Variants in CDC42BPA observed in about 807,000 individuals in gnomAD.
The protein encoded by CDC42BPA is serine/threonine-protein kinase MRCK alpha.
Under a neutral mutation model 223.5 loss-of-function variants are expected in CDC42BPA, and 80 were observed. The ratio of observed to expected loss-of-function variants is 0.36; its 90% CI spans 0.30 to 0.43. The LOEUF is 0.43. CDC42BPA is among the 20% of genes least tolerant of loss of function. The probability of loss-of-function intolerance (pLI) is 1.00; values close to 1 mark genes in which losing one functional copy is unlikely to be tolerated. For missense variants in CDC42BPA, 1,743 were observed against 2,099.9 expected, an observed-to-expected ratio of 0.83 and a Z score of 3.32; for synonymous variants, 694 against 718.6, an observed-to-expected ratio of 0.97 and a Z score of 0.55.
At chr1:227,193,346 A>C (rs1301034378) in intron 5 of CDC42BPA, among the ~76,000 whole-genome samples, 4 of 152,118 alleles carry the variant, frequency 2.6e-5, no homozygotes, top group East Asian at 1.9e-4. Context: ...AAGCGTGAGC[A>C]ACCGTGACCG....
intron 1 of CDC42BPA, among the ~76,000 whole-genome samples, chr1:227,291,534 G>A (rs1303287639): frequency 6.6e-6 from 1 of 151,956 alleles, no homozygotes; most frequent in Non-Finnish European, 1.5e-5. Flanking sequence ...GGGTGACAGA[G>A]TGAGACTCTG....
At chr1:227,133,772 C>T (rs367689850) in intron 10 of CDC42BPA, among the ~76,000 whole-genome samples, 9 of 151,508 alleles carry the variant, frequency 5.9e-5, no homozygotes, top group African/African-American at 1.9e-4. Context: ...GCAGCATGCT[C>T]GTTGAGAGTC....
intron 28 of CDC42BPA, among the ~76,000 whole-genome samples, 174 bp from the exon 29 acceptor site, chr1:227,030,644 G>C (rs1305911382): frequency 6.6e-6 from 1 of 152,022 alleles, no homozygotes; most frequent in Non-Finnish European, 1.5e-5. Context: ...TTCTAAAATA[G>C]AACAATTATT....
At chr1:227,095,913 A>G (rs648877) in intron 15 of CDC42BPA, among the ~76,000 whole-genome samples, 96,110 of 152,014 alleles carry the variant, frequency 0.63, 30,528 homozygotes, top group East Asian at 0.72. Flanking sequence ...TTTGAAGACT[A>G]TATTGTTATG....
intron 23 of CDC42BPA, among the ~76,000 whole-genome samples, chr1:227,041,254 G>A (rs11803919): frequency 0.11 from 16,976 of 152,070 alleles, 1,344 homozygotes; most frequent in African/African-American, 0.22. Context: ...ATATTACCCA[G>A]GTACTGAGCA....
chr1:227,016,787 C>A, intron 33 of CDC42BPA, 140 bp downstream of exon 33: 1 of 732,874 alleles, frequency 1.4e-6, no homozygotes, highest in Non-Finnish European at 2.2e-6. Flanking sequence ...AAGTTACATT[C>A]ATTATTGCAG....
intron 5 of CDC42BPA, among the ~76,000 whole-genome samples, chr1:227,186,816 C>T (rs1668849065): frequency 6.6e-6 from 1 of 152,178 alleles, no homozygotes; most frequent in South Asian, 2.1e-4. Flanking sequence ...TCACTGGCCC[C>T]TCAAACCCAG....
intron 14 of CDC42BPA, among the ~76,000 whole-genome samples, chr1:227,109,350 T>G (rs895032978): frequency 1.3e-5 from 2 of 151,982 alleles, no homozygotes; most frequent in Admixed American, 6.6e-5. Context: ...TACAAACACA[T>G]TGTACAGATG....
intron 14 of CDC42BPA, among the ~76,000 whole-genome samples, chr1:227,107,139 A>G (rs887055877): frequency 3.9e-5 from 6 of 152,252 alleles, no homozygotes; most frequent in Admixed American, 2.6e-4. Context: ...AACTTTAGGT[A>G]GTAGTACTGC....
chr1:227,062,441 T>G (rs1676105243), intron 21 of CDC42BPA, among the ~76,000 whole-genome samples: 2 of 152,238 alleles, frequency 1.3e-5, no homozygotes, highest in Admixed American at 1.3e-4. Context: ...TTATCTTTTA[T>G]TACTATATTT....
At chr1:227,120,052 C>G in intron 11 of CDC42BPA, 115 bp from the exon 12 acceptor site, 1 of 712,640 alleles carries the variant, frequency 1.4e-6, no homozygotes, top group Non-Finnish European at 2.2e-6. Flanking sequence ...AGTGTTAGAT[C>G]TGACAGTGTA....
intron 2 of CDC42BPA, among the ~76,000 whole-genome samples, chr1:227,216,145 C>T (rs1674802607): frequency 6.6e-6 from 1 of 152,088 alleles, no homozygotes; most frequent in Admixed American, 6.6e-5. Context: ...CACACACACA[C>T]ACATAAAATA....
intron 2 of CDC42BPA, among the ~76,000 whole-genome samples, chr1:227,214,828 A>AGTG (rs1674547583): frequency 1.3e-5 from 2 of 152,284 alleles, no homozygotes; most frequent in Admixed American, 1.3e-4. Flanking sequence ...TAATAACAGT[A>AGTG]GTGGTAGTAG....
rs769733993 is a variant in CDC42BPA at position 227,072,200 on chromosome 1, T to A, written c.2827+8A>T. ...AGTCCTGAGTGAGGCAAACACACAC[T>A]CCCATACCCTTTTCAGATCTAAGCT... On this transcript the variant is annotated splice_region_variant and intron_variant, in intron 20 of 36. Coordinates refer to ENST00000366766, the MANE Select transcript of CDC42BPA (RefSeq NM_001394014.1). 1.3e-6 allele frequency: 2 copies of A among 1,532,948 alleles called. No individual in the cohort carries two copies. Among genetic ancestry groups the A allele is most frequent in the African/African-American group, 2.8e-5 (2 of 72,628 alleles). The allele number at this position is 1,532,948 out of a possible 1,614,324, so 95.0% of individuals were successfully genotyped here.
intron 15 of CDC42BPA, 29 bp downstream of exon 15, chr1:227,100,963 T>C (rs769013479): frequency 1.6e-5 from 21 of 1,315,194 alleles, no homozygotes; most frequent in Non-Finnish European, 1.1e-6. Context: ...AGTAAGTATT[T>C]ACTGTATAGT....
At chr1:227,048,605 C>CAT (rs904601923) in intron 22 of CDC42BPA, among the ~76,000 whole-genome samples, 4 of 150,876 alleles carry the variant, frequency 2.7e-5, no homozygotes, top group Non-Finnish European at 5.9e-5. Flanking sequence ...AGTCACATAC[C>CAT]ATATCTTTCT....
At chr1:227,000,093 TATAATAATA>T (rs10605581) in intron 35 of CDC42BPA, among the ~76,000 whole-genome samples, 1,700 of 130,618 alleles carry the variant, frequency 0.013, 12 homozygotes, top group South Asian at 0.051. Flanking sequence ...GAACTTAAAG[TATAATAATA>T]ATAATAATAA....
intron 6 of CDC42BPA, among the ~76,000 whole-genome samples, chr1:227,158,863 A>G (rs1663317686): frequency 6.6e-6 from 1 of 152,034 alleles, no homozygotes; most frequent in Non-Finnish European, 1.5e-5. Flanking sequence ...TCTCTGCACA[A>G]TTCCCTCCTC....
Position 227,017,003 on chromosome 1 carries a change from GT to G in CDC42BPA, c.4662del (p.Lys1554AsnfsTer35). The part of the protein sequence containing the change: ...VVPETSDNSR[K>X]QMVRNINNKR... ...TTATTGTTAATGTTTCTAACCATTT[GT>G]TTCCGACTATTATCTGATGTTTCAG... On this transcript the variant is annotated frameshift_variant, in exon 33 of 37. Coordinates refer to ENST00000366766, the MANE Select transcript of CDC42BPA (RefSeq NM_001394014.1). LOFTEE classifies it high-confidence loss of function. 1 of 1,613,202 alleles carries G rather than the reference GT, an allele frequency of 6.2e-7. No homozygotes were observed. Among genetic ancestry groups the G allele is most frequent in the Non-Finnish European group, 8.5e-7 (1 of 1,179,506 alleles).
Sources: allele counts gnomAD v4.1 joint callset (sites outside exome capture counted in the v4.1 genomes callset), GRCh38; gene constraint gnomAD v4.1.1; transcripts MANE v1.5; gene names NCBI Gene and HGNC (gene_info 2026-07-23, HGNC 2026-07-21).